PMS2: variants seen among roughly 807,000 people sequenced by gnomAD.
PMS2 encodes PMS1 homolog 2, mismatch repair system component, also known as mismatch repair endonuclease PMS2.
PMS2 carries 69 observed loss-of-function variants against 90.0 expected under a neutral mutation model. The observed-to-expected ratio is 0.77, with a 90% CI of 0.63 to 0.94. The LOEUF (loss-of-function observed/expected upper bound fraction) is 0.94, where lower values mean the gene tolerates loss of function less well. Among genes scored for constraint, PMS2 ranks in the 40% least tolerant of loss-of-function variants. The pLI, the probability that PMS2 is intolerant of heterozygous loss-of-function variation, is 0.00. For synonymous variants in PMS2, 332 were observed against 375.1 expected (o/e 0.89, Z 1.33); for missense variants, 966 against 1,040.2 (o/e 0.93, Z 0.98).
Position 5,987,148 on chromosome 7 carries a change from C to T in PMS2, c.1617G>A (p.Ala539=), listed in dbSNP as rs776931237. Residue 539 remains alanine, a synonymous_variant, in exon 11 of 15, where the codon GCG becomes GCA. Coordinates refer to ENST00000265849, the MANE Select transcript of PMS2 (RefSeq NM_000535.7). ...CTGAAAAAGAGTCGTCAGTTTTAGGCGCTTTCTCCTGAGAGTCCACATGTT... is the reference window on the plus strand; with the variant it reads ...CTGAAAAAGAGTCGTCAGTTTTAGGTGCTTTCTCCTGAGAGTCCACATGTT... ...SQEHVDSQEK[A]PKTDDSFSDV... 2.1e-5 allele frequency: 34 copies of T among 1,613,378 alleles called. No individual in the cohort carries two copies. The highest frequency in any genetic ancestry group is 2.6e-5 in the Non-Finnish European group (31 of 1,179,444).
At position 5,987,367 on chromosome 7, in the gene PMS2, G is replaced by A. The variant is rs752666485; in HGVS notation, c.1398C>T (p.Gly466=). The A allele has an allele frequency of 7.4e-6, 12 of 1,614,012 alleles. No homozygotes were observed. Among genetic ancestry groups the A allele is most frequent in the South Asian group, 3.3e-5 (3 of 91,086 alleles). Residue 466 remains glycine, a synonymous_variant, in exon 11 of 15, where the codon GGC becomes GGT. Transcript: ENST00000265849. ...SSTSGAISDK[G]VLRPQKEAVS... ...CTGCCTCTTTCTGAGGTCTCAGGAC[G>A]CCTTTGTCAGAGATGGCACCTGAAG...
intron 12 of PMS2, among the ~76,000 whole-genome samples, chr7:5,979,223 A>AC (rs869256534): frequency 3.5e-5 from 4 of 113,334 alleles, no homozygotes; most frequent in Admixed American, 2.5e-4. Context: ...AAAAAAAAAA[A>AC]CACCCATAAA....
At position 6,003,977 on chromosome 7, in the gene PMS2, C is replaced by G. The variant is rs1386977804; in HGVS notation, c.245G>C (p.Gly82Ala). The change falls in exon 3 of 15, where the codon GGC becomes GCC. Residue 82 changes from glycine to alanine, a missense_variant. Physicochemically the swap from Gly to Ala is moderately conservative, Grantham distance 60. Coordinates refer to ENST00000265849, the MANE Select transcript of PMS2 (RefSeq NM_000535.7). ...GCGVEEENFE[G>A]LTLKHHTSKI... The stretch of plus-strand genomic sequence containing the variant: ...ATTAGAAAAAGTCAACTTACTTAAG[C>G]CTTCGAAGTTTTCTTCTTCTACCCC... The G allele has an allele frequency of 6.3e-7, 1 of 1,588,220 alleles. No individual in the cohort carries two copies. Among genetic ancestry groups the G allele is most frequent in the Admixed American group, 1.7e-5 (1 of 59,970 alleles).
In PMS2 at chr7:5,985,427, T is replaced by C. The variant is rs184075221; in HGVS notation, c.2006+1332A>G. Among the ~76,000 whole-genome samples, 32 of 151,682 alleles carry C rather than the reference T, an allele frequency of 2.1e-4. 1 individual carries two copies. The highest frequency in any genetic ancestry group is 2.1e-3 in the Admixed American group (32 of 15,200). On this transcript the variant is annotated intron_variant, in intron 11 of 14. Transcript: ENST00000265849. Reference sequence around the variant, plus strand: ...AGGCCTGAGGAGGAAAAATGTATAATAAGGCATTACACAAACTAGTAAAAG... The same window carrying C: ...AGGCCTGAGGAGGAAAAATGTATAACAAGGCATTACACAAACTAGTAAAAG...
At chr7:5,990,560 T>G (rs1487095197) in intron 9 of PMS2, among the ~76,000 whole-genome samples, 1 of 152,180 alleles carries the variant, frequency 6.6e-6, no homozygotes, top group African/African-American at 2.4e-5. Flanking sequence ...AATAAGATAT[T>G]TTAATCCCCT....
rs1781961325 is a variant in PMS2 at position 5,978,528 on chromosome 7, C to A, written c.2275+68G>T. 7 of 1,393,890 alleles carry A rather than the reference C, an allele frequency of 5.0e-6. No homozygotes were observed. In the South Asian group the frequency reaches 8.4e-5, roughly 17 times the overall value. The allele number at this position is 1,393,890 out of a possible 1,614,324, so 86.3% of individuals were successfully genotyped here. On this transcript the variant is annotated intron_variant, in intron 13 of 14. Transcript: ENST00000265849. Reference sequence around the variant, plus strand: ...TCAGGCGATCTGCCCGCCTTGGCCTCCCAGAGTGCTGGGATTACAGACGTG... The same window carrying A: ...TCAGGCGATCTGCCCGCCTTGGCCTACCAGAGTGCTGGGATTACAGACGTG...
chr7:5,999,215 C>T lies in PMS2; in HGVS notation c.598G>A (p.Val200Ile), dbSNP rs587778620. The change falls in exon 6 of 15, where the codon GTA becomes ATA. Residue 200 changes from valine to isoleucine, a missense_variant. Physicochemically the swap from Val to Ile is conservative, Grantham distance 29 (BLOSUM62 3). This residue lies in a region of PMS2 where 871 missense variants were observed against 802.4 expected (regional missense o/e 1.09). Transcript: ENST00000265849. ...AYCIISAGIRVSCTNQLGQGK... is the reference protein window; with the variant it reads ...AYCIISAGIRISCTNQLGQGK... ...TGTCCAAGCTGATTGGTGCAACTTACACGGATGCCTGCTGAAATGATACAG... is the reference window on the plus strand; with the variant it reads ...TGTCCAAGCTGATTGGTGCAACTTATACGGATGCCTGCTGAAATGATACAG... 4.3e-6 allele frequency: 7 copies of T among 1,613,498 alleles called. No homozygotes were observed. The East Asian group carries it at 1.1e-4, about 26-fold the overall frequency.
intron 5 of PMS2, among the ~76,000 whole-genome samples, chr7:6,000,185 G>GGCA (rs1784936833): frequency 6.6e-6 from 1 of 151,706 alleles, no homozygotes; most frequent in African/African-American, 2.4e-5. Flanking sequence ...GACCTGCCTG[G>GGCA]GCAACACAGA....
At chr7:5,998,471 T>C (rs1784685871) in intron 6 of PMS2, among the ~76,000 whole-genome samples, 2 of 150,012 alleles carry the variant, frequency 1.3e-5, no homozygotes, top group South Asian at 4.3e-4. Context: ...GGCAGGCGGA[T>C]CACTAGAGGT....
Position 5,977,491 on chromosome 7 carries a change from G to A in PMS2, c.2445+97C>T, listed in dbSNP as rs574243763. ...TAAAATGACCCCTGGCAATCACAAA[G>A]GCGTTTACAACCTTGACCAAATCAG... is the stretch of plus-strand genomic sequence containing the variant. On this transcript the variant is annotated intron_variant, in intron 14 of 14. Transcript: ENST00000265849. 3.1e-4 allele frequency: 239 copies of A among 772,794 alleles called. 8 individuals are homozygous for A. The highest frequency in any genetic ancestry group is 5.0e-4 in the Non-Finnish European group (225 of 453,364). The allele number at this position is 772,794 out of a possible 1,614,324, so 47.9% of individuals were successfully genotyped here. A position where few individuals can be genotyped will look rare whatever the true frequency, so the allele number is the denominator to read the frequency against.
chr7:5,973,344 C>G lies in PMS2; in HGVS notation c.*55G>C, dbSNP rs749795530. 7.8e-7 allele frequency: 1 copy of G among 1,276,414 alleles called. No homozygotes were observed. The highest frequency in any genetic ancestry group is 1.1e-6 in the Non-Finnish European group (1 of 905,196). 79.1% of individuals were successfully genotyped at this position (1,276,414 alleles called of 1,614,324 possible). A position where few individuals can be genotyped will look rare whatever the true frequency, so the allele number is the denominator to read the frequency against. On this transcript the variant is annotated 3_prime_UTR_variant, in exon 15 of 15. Transcript: ENST00000265849. ...CAAAAAAGGTTAGTGAAGACTCTGT[C>G]TTTCAAAACATAAAAATCTGCGATA...
chr7:5,982,649 T>G (rs1269766371), intron 12 of PMS2, among the ~76,000 whole-genome samples, 175 bp downstream of exon 12: 3 of 152,174 alleles, frequency 2.0e-5, no homozygotes, highest in African/African-American at 7.2e-5. Context: ...CTAGATATTT[T>G]TTATTTTTTA....
rs1379124630 is a variant in PMS2 at position 5,992,143 on chromosome 7, C to A, written c.904-86G>T. On this transcript the variant is annotated intron_variant, in intron 8 of 14. Coordinates refer to ENST00000265849, the MANE Select transcript of PMS2 (RefSeq NM_000535.7). ...CTAACAACATTCTATTCTAACCAAC[C>A]AGCATGTTCTTAGAAGGGGATACTT... is the stretch of plus-strand genomic sequence containing the variant. 4.1e-5 allele frequency: 31 copies of A among 751,390 alleles called. 1 individual carries two copies. In the East Asian group the frequency reaches 7.9e-4, roughly 19 times the overall value. 46.5% of individuals were successfully genotyped at this position (751,390 alleles called of 1,614,324 possible). A position where few individuals can be genotyped will look rare whatever the true frequency, so the allele number is the denominator to read the frequency against.
intron 6 of PMS2, among the ~76,000 whole-genome samples, 200 bp from the exon 7 acceptor site, chr7:5,997,623 C>T (rs1023983306): frequency 2.6e-5 from 4 of 152,114 alleles, no homozygotes; most frequent in Admixed American, 6.6e-5. Flanking sequence ...TACCTCACTG[C>T]AATGTCAAAC....
In PMS2 at chr7:5,999,203, T is replaced by C. The variant is rs746910555; in HGVS notation, c.610A>G (p.Asn204Asp). ...ISAGIRVSCT[N>D]QLGQGKRQPV... ...TGTCGTTTTCCTTGTCCAAGCTGAT[T>C]GGTGCAACTTACACGGATGCCTGCT... The change falls in exon 6 of 15, where the codon AAT becomes GAT. Residue 204 changes from asparagine (N) to aspartate (D), a missense_variant. Around this residue, in one of 2 missense-constraint regions of PMS2, gnomAD observed 871 missense variants for 802.4 expected, o/e 1.09. Coordinates refer to ENST00000265849, the MANE Select transcript of PMS2 (RefSeq NM_000535.7). 8 of 1,614,036 alleles carry C rather than the reference T, an allele frequency of 5.0e-6. No individual in the cohort carries two copies. The South Asian group carries it at 6.6e-5, about 13-fold the overall frequency.
intron 14 of PMS2, among the ~76,000 whole-genome samples, chr7:5,977,085 C>T (rs1047137407): frequency 2.7e-5 from 4 of 149,862 alleles, no homozygotes; most frequent in South Asian, 2.1e-4. Context: ...GACGGAGTCT[C>T]GCTCTGTCGC....
rs2128786522 is a variant in PMS2 at position 5,997,339 on chromosome 7, G to A, written c.790C>T (p.His264Tyr). 1 of 1,547,856 alleles carries A rather than the reference G, an allele frequency of 6.5e-7. No individual in the cohort carries two copies. Among genetic ancestry groups the A allele is most frequent in the Non-Finnish European group, 8.9e-7 (1 of 1,120,700 alleles). The change falls in exon 7 of 15, where the codon CAT (histidine) becomes TAT (tyrosine). Residue 264 changes from histidine to tyrosine, a missense_variant. By Grantham distance (83) the His-to-Tyr change is moderately conservative. Transcript: ENST00000265849. ...CAATCTACTTACTAAAAAAGATTAT[G>A]CAGAGCATCGGAACAGCTCAAACCG... The part of the protein sequence containing the change: ...EYGLSCSDAL[H>Y]NLFYISGFIS...
Position 5,995,572 on chromosome 7 carries a change from A to G in PMS2, c.865T>C (p.Phe289Leu), listed in dbSNP as rs771787834. ...CAAGGCCGCCGGTTGATAAAGAAAA[A>G]CTGTCTGTCTGTTGAACTCCTTCCA... ...GVGRSSTDRQ[F>L]FFINRRPCDP... The change falls in exon 8 of 15, where the codon TTT becomes CTT. Residue 289 changes from phenylalanine (F) to leucine (L), a missense_variant. By Grantham distance (22) the Phe-to-Leu change is conservative (BLOSUM62 0). Coordinates refer to ENST00000265849, the MANE Select transcript of PMS2 (RefSeq NM_000535.7). 2 of 1,614,008 alleles carry G rather than the reference A, an allele frequency of 1.2e-6. No homozygotes were observed. The highest frequency in any genetic ancestry group is 1.7e-6 in the Non-Finnish European group (2 of 1,179,930).
intron 10 of PMS2, among the ~76,000 whole-genome samples, chr7:5,987,857 C>A (rs1043389881): frequency 1.3e-5 from 2 of 151,978 alleles, no homozygotes; most frequent in Non-Finnish European, 2.9e-5. Context: ...GAGTTCAGGA[C>A]TGGTCTGGAC....
Sources: gnomAD v4.1 joint callset for allele counts (sites outside exome capture counted in the v4.1 genomes callset) on GRCh38, gnomAD v4.1.1 for gene constraint, gnomAD v4.1.1 regional missense constraint, MANE v1.5 for transcripts, NCBI Gene and HGNC (gene_info 2026-07-23, HGNC 2026-07-21) for gene names.